NINL: variants seen among roughly 807,000 people sequenced by gnomAD.
The protein encoded by NINL is ninein like.
NINL carries 153 observed loss-of-function variants against 160.3 expected under a neutral mutation model. That is an observed-to-expected ratio of 0.95 (90% CI 0.84 to 1.09). The LOEUF (loss-of-function observed/expected upper bound fraction) is 1.09, where lower values mean the gene tolerates loss of function less well. NINL is among the 50% of genes least tolerant of loss of function. The pLI is 0.00. For synonymous variants in NINL, 800 were observed against 734.8 expected (o/e 1.09, Z -1.43); for missense variants, 1,829 against 1,764.0 (o/e 1.04, Z -0.66).
At chr20:25,463,156 C>G (rs1238190728) in intron 19 of NINL, among the ~76,000 whole-genome samples, 1 of 152,036 alleles carries the variant, frequency 6.6e-6, no homozygotes, top group East Asian at 1.9e-4. Flanking sequence ...TCACCAGTGC[C>G]GAGGACAGAA....
intron 2 of NINL, among the ~76,000 whole-genome samples, chr20:25,519,989 CA>C (rs59160061): frequency 8.9e-3 from 108 of 12,108 alleles, no homozygotes; most frequent in African/African-American, 0.011. Context: ...GACCCCGTCT[CA>C]AAAAAAAAAA....
At chr20:25,561,410 T>A (rs2064935748) in intron 1 of NINL, among the ~76,000 whole-genome samples, 2 of 152,318 alleles carry the variant, frequency 1.3e-5, no homozygotes, top group South Asian at 4.1e-4. Flanking sequence ...CCGTCTGCCT[T>A]GGCCCCCCAA....
intron 1 of NINL, among the ~76,000 whole-genome samples, chr20:25,568,911 AC>A (rs2065023252): frequency 6.7e-6 from 1 of 148,470 alleles, no homozygotes; most frequent in Non-Finnish European, 1.5e-5. Flanking sequence ...ACACATTGAG[AC>A]CCCTCCCTGT....
chr20:25,528,574 T>G (rs1219957799), intron 1 of NINL, among the ~76,000 whole-genome samples: 1 of 152,144 alleles, frequency 6.6e-6, no homozygotes, highest in Non-Finnish European at 1.5e-5. Flanking sequence ...TATTACACAT[T>G]TATATTTCCT....
chr20:25,559,027 T>A (rs909689031), intron 1 of NINL, among the ~76,000 whole-genome samples: 1 of 152,352 alleles, frequency 6.6e-6, no homozygotes, highest in East Asian at 1.9e-4. Flanking sequence ...GTAACACTTT[T>A]AGTTTTCAGC....
chr20:25,578,779 C>T (rs562398034), intron 1 of NINL, among the ~76,000 whole-genome samples: 3 of 118,122 alleles, frequency 2.5e-5, no homozygotes, highest in East Asian at 2.5e-4. Context: ...GGTGACAGAG[C>T]GAGACTCCAT....
rs375330717 is a variant in NINL at position 25,502,063 on chromosome 20, C to T, written c.862-1053G>A. ...GTGATGCGATCTCAGCTCACTGAAA[C>T]TTCTGCCTCCTAGGTTCAAGTGATT... On this transcript the variant is annotated intron_variant, in intron 7 of 23. Transcript: ENST00000278886. Among the ~76,000 whole-genome samples the T allele has an allele frequency of 7.2e-5, 11 of 152,342 alleles. 1 individual carries two copies. The East Asian group carries it at 9.6e-4, about 13-fold the overall frequency.
At chr20:25,546,658 A>G (rs6050676) in intron 1 of NINL, among the ~76,000 whole-genome samples, 151,833 of 152,086 alleles carry the variant, frequency 1, 75,790 homozygotes, top group East Asian at 1. Flanking sequence ...AACCTACCCT[A>G]CCCCCACCCT....
intron 3 of NINL, among the ~76,000 whole-genome samples, chr20:25,516,417 A>G (rs2064161056): frequency 2.6e-5 from 4 of 152,242 alleles, no homozygotes; most frequent in Non-Finnish European, 5.9e-5. Context: ...AACAGGTGAG[A>G]AAAAGCACAA....
At chr20:25,489,562 C>T (rs1423312766) in intron 12 of NINL, among the ~76,000 whole-genome samples, 1 of 152,066 alleles carries the variant, frequency 6.6e-6, no homozygotes, top group Non-Finnish European at 1.5e-5. Context: ...AGCCCAGACC[C>T]TGACCCTGGG....
intron 1 of NINL, among the ~76,000 whole-genome samples, chr20:25,549,803 T>A (rs1416663755): frequency 6.6e-6 from 1 of 152,160 alleles, no homozygotes; most frequent in Non-Finnish European, 1.5e-5. Context: ...CCCTAACATG[T>A]TTTTTAAAAA....
chr20:25,470,278 G>T (rs2063064290), intron 17 of NINL, among the ~76,000 whole-genome samples, 183 bp from the exon 18 acceptor site: 1 of 152,184 alleles, frequency 6.6e-6, no homozygotes, highest in African/African-American at 2.4e-5. Context: ...CATCTCCCAT[G>T]AGCCAAGCCA....
rs138710519 is a variant in NINL at position 25,534,632 on chromosome 20, G to T, written c.-11-8034C>A. ...AGAAAAGGTACAGAACTAGAGTATTGTAATCTTATGAGACCACCACTGTAT... is the reference window on the plus strand; with the variant it reads ...AGAAAAGGTACAGAACTAGAGTATTTTAATCTTATGAGACCACCACTGTAT... On this transcript the variant is annotated intron_variant, in intron 1 of 23. Coordinates refer to ENST00000278886, the MANE Select transcript of NINL (RefSeq NM_025176.6). 1.4e-3 allele frequency among the ~76,000 whole-genome samples: 208 copies of T among 152,306 alleles called. 1 individual carries two copies. Among genetic ancestry groups the T allele is most frequent in the African/African-American group, 4.7e-3 (196 of 41,562 alleles).
chr20:25,517,916 CTT>C, intron 2 of NINL, 67 bp from the exon 3 acceptor site: 2 of 978,176 alleles, frequency 2.0e-6, no homozygotes, highest in South Asian at 1.8e-5. Flanking sequence ...AAAAGTGACT[CTT>C]TTGGATTTTC....
At chr20:25,486,387 T>C (rs2146632613) in intron 13 of NINL, among the ~76,000 whole-genome samples, 1 of 152,210 alleles carries the variant, frequency 6.6e-6, no homozygotes, top group African/African-American at 2.4e-5. Flanking sequence ...CAGAATCATG[T>C]TAAAGAAAGA....
At chr20:25,523,719 C>T (rs949024874) in intron 2 of NINL, among the ~76,000 whole-genome samples, 2 of 151,998 alleles carry the variant, frequency 1.3e-5, no homozygotes, top group East Asian at 1.9e-4. Context: ...CTTGGCTCAC[C>T]GCAACCTCCA....
At chr20:25,484,645 T>G (rs2063471724) in intron 13 of NINL, among the ~76,000 whole-genome samples, 1 of 152,190 alleles carries the variant, frequency 6.6e-6, no homozygotes, top group African/African-American at 2.4e-5. Flanking sequence ...GATTGGTACA[T>G]GTATGGCTAG....
In NINL at chr20:25,453,304, A is replaced by G; in HGVS notation, c.*147T>C. 1.5e-6 allele frequency: 1 copy of G among 659,730 alleles called. No individual in the cohort carries two copies. The highest frequency in any genetic ancestry group is 2.6e-5 in the South Asian group (1 of 38,372). The allele number at this position is 659,730 out of a possible 1,614,324, so 40.9% of individuals were successfully genotyped here. A position where few individuals can be genotyped will look rare whatever the true frequency, so the allele number is the denominator to read the frequency against. The stretch of plus-strand genomic sequence containing the variant: ...ACCTCCATCTTGCCCAGGGCAGACC[A>G]TTCATTAACTATCTGCGGGGTGAAC... On this transcript the variant is annotated 3_prime_UTR_variant, in exon 24 of 24. Transcript: ENST00000278886.
At chr20:25,519,962 C>G in intron 2 of NINL, among the ~76,000 whole-genome samples, 1 of 123,332 alleles carries the variant, frequency 8.1e-6, no homozygotes, top group East Asian at 3.0e-4. Flanking sequence ...CAAGATCATG[C>G]CTGGGTGACG....
Sources: gnomAD v4.1 joint callset for allele counts (sites outside exome capture counted in the v4.1 genomes callset) on GRCh38, gnomAD v4.1.1 for gene constraint, MANE v1.5 for transcripts, NCBI Gene and HGNC (gene_info 2026-07-23, HGNC 2026-07-21) for gene names.